TEX264: variants seen among roughly 807,000 people sequenced by gnomAD.
The protein encoded by TEX264 is testis-expressed protein 264.
Under a neutral mutation model 23.4 loss-of-function variants are expected in TEX264, and 13 were observed. The ratio of observed to expected loss-of-function variants is 0.56; its 90% CI spans 0.36 to 0.88. TEX264 has a LOEUF of 0.88. Among genes scored for constraint, TEX264 ranks in the 40% least tolerant of loss-of-function variants. The pLI is 0.01. For missense variants in TEX264, 340 were observed against 406.8 expected (o/e 0.84, Z 1.41); for synonymous variants, 159 against 170.0 (o/e 0.94, Z 0.50).
chr3:51,681,947 A>C (rs544795367), intron 2 of TEX264: 3 of 152,254 alleles, frequency 2.0e-5, no homozygotes, highest in Non-Finnish European at 4.4e-5. Context: ...AGATGACCAC[A>C]TGTGTTCTGG....
Position 51,686,037 on chromosome 3 carries a change from G to T in TEX264, c.480+1403G>T, listed in dbSNP as rs112133712. 2.0e-5 allele frequency among the ~76,000 whole-genome samples: 3 copies of T among 152,120 alleles called. No individual in the cohort carries two copies. Among genetic ancestry groups the T allele is most frequent in the Non-Finnish European group, 4.4e-5 (3 of 68,014 alleles). ...GGGAACTGAGGGAGGCCCTGGTTTTGGGGGGAAGGTAGCTATTTGGGCTAT... is the reference window on the plus strand; with the variant it reads ...GGGAACTGAGGGAGGCCCTGGTTTTTGGGGGAAGGTAGCTATTTGGGCTAT... On this transcript the variant is annotated intron_variant, in intron 3 of 4. Transcript: ENST00000341333. The surrounding 1 kb of genome is among the most constrained non-coding windows in gnomAD (Gnocchi z 4.1).
At chr3:51,674,203 T>A in intron 1 of TEX264, 68 bp from the exon 2 acceptor site, 1 of 1,549,330 alleles carries the variant, frequency 6.5e-7, no homozygotes, top group South Asian at 1.2e-5. Flanking sequence ...CCAGAACTGG[T>A]TGGCGGGCAA....
intron 2 of TEX264, 31 bp downstream of exon 2, chr3:51,674,593 G>T: frequency 6.2e-7 from 1 of 1,606,706 alleles, no homozygotes; most frequent in Admixed American, 1.7e-5. Context: ...TCTGCCCCAT[G>T]GATGGGCCTG....
chr3:51,687,941 G>A (rs1166815809), intron 3 of TEX264, among the ~76,000 whole-genome samples: 2 of 152,224 alleles, frequency 1.3e-5, no homozygotes, highest in South Asian at 2.1e-4. Flanking sequence ...TTGCATGGCA[G>A]CCTCTGGCTC....
chr3:51,704,115 G>GAAGA lies in TEX264; in HGVS notation c.*99_*100insAAGA. 1 of 1,150,846 alleles carries GAAGA rather than the reference G, an allele frequency of 8.7e-7. No homozygotes were observed. Among genetic ancestry groups the GAAGA allele is most frequent in the Non-Finnish European group, 1.1e-6 (1 of 889,254 alleles). 71.3% of individuals were successfully genotyped at this position (1,150,846 alleles called of 1,614,324 possible). A position where few individuals can be genotyped will look rare whatever the true frequency, so the allele number is the denominator to read the frequency against. ...CTTCCTCCTTCCTCTGGGGGAGGAG[G>GAAGA]GGTTCCTGAGGGACCTGACTTCCCC... is the stretch of plus-strand genomic sequence containing the variant. On this transcript the variant is annotated 3_prime_UTR_variant, in exon 5 of 5. Transcript: ENST00000341333.
chr3:51,676,978 A>G (rs1314378867), intron 2 of TEX264, among the ~76,000 whole-genome samples: 1 of 152,180 alleles, frequency 6.6e-6, no homozygotes, highest in Non-Finnish European at 1.5e-5. Context: ...GGGATGGCTC[A>G]GGGACACTTG....
chr3:51,685,789 T>C (rs1257383067), intron 3 of TEX264, among the ~76,000 whole-genome samples: 1 of 152,232 alleles, frequency 6.6e-6, no homozygotes, highest in Non-Finnish European at 1.5e-5. Context: ...CCTAGGAGGC[T>C]GTCATGAATC....
At position 51,686,600 on chromosome 3, in the gene TEX264, T is replaced by A. The variant is rs748012970; in HGVS notation, c.480+1966T>A. On this transcript the variant is annotated intron_variant, in intron 3 of 4. Coordinates refer to ENST00000341333, the MANE Select transcript of TEX264 (RefSeq NM_015926.6). This position sits in a 1 kb window ranked among gnomAD's most constrained non-coding sequence, Gnocchi z 4.1. ...CAGGGAGAATAGAGGGGAGTTTCCT[T>A]TGTGAGCTGGAGGGTGGTGGCCAAA... is the stretch of plus-strand genomic sequence containing the variant. Among the ~76,000 whole-genome samples, 5 of 151,880 alleles carry A rather than the reference T, an allele frequency of 3.3e-5. No homozygotes were observed. Among genetic ancestry groups the A allele is most frequent in the Non-Finnish European group, 5.9e-5 (4 of 67,968 alleles).
intron 3 of TEX264, among the ~76,000 whole-genome samples, chr3:51,690,151 G>A (rs1702775792): frequency 6.6e-6 from 1 of 152,212 alleles, no homozygotes; most frequent in Non-Finnish European, 1.5e-5. Context: ...GTCTGCCTCA[G>A]TGACCCTGAG....
In TEX264 at chr3:51,703,932, G is replaced by A. The variant is rs1057076234; in HGVS notation, c.858G>A (p.Glu286=). ...TGGAGGGCGAGGGGCCCTTAGGGGA[G>A]TCACGGCTGGACCCTGGGACTGAGC... The part of the protein sequence containing the change: ...LDLEGEGPLG[E]SRLDPGTEPL... Residue 286 remains glutamate (E), a synonymous_variant, in exon 5 of 5, where the codon GAG becomes GAA. Coordinates refer to ENST00000341333, the MANE Select transcript of TEX264 (RefSeq NM_015926.6). The surrounding 1 kb of genome is among the most constrained non-coding windows in gnomAD (Gnocchi z 4.8). The A allele has an allele frequency of 6.2e-7, 1 of 1,604,104 alleles. No homozygotes were observed.
rs1228408565 is a variant in TEX264, at chr3:51,688,132, T to C, written c.480+3498T>C. Among the ~76,000 whole-genome samples the C allele has an allele frequency of 5.9e-5, 9 of 152,372 alleles. No homozygotes were observed. In the South Asian group the frequency reaches 1.9e-3, roughly 32 times the overall value. On this transcript the variant is annotated intron_variant, in intron 3 of 4. Transcript: ENST00000341333. ...CCTCAGCTTTGTCAGGCTGCTCCGC[T>C]GGAGTCCAAGGAGGTGGCCTCTAGT...
chr3:51,694,686 C>T (rs1180871078), intron 3 of TEX264: 1 of 152,426 alleles, frequency 6.6e-6, no homozygotes, highest in Non-Finnish European at 1.5e-5. Flanking sequence ...TCTGCCACTT[C>T]CTGCTTCCTC....
At chr3:51,684,305 C>T in intron 2 of TEX264, 108 bp from the exon 3 acceptor site, 1 of 992,058 alleles carries the variant, frequency 1.0e-6, no homozygotes, top group Non-Finnish European at 1.5e-6. Flanking sequence ...CATGGCTTGT[C>T]AGAGCTGCTG....
intron 2 of TEX264, chr3:51,684,083 A>G: frequency 3.0e-6 from 1 of 329,138 alleles, no homozygotes. Context: ...GTGGAGGGTG[A>G]TGGTTCAGAG....
chr3:51,699,799 C>T (rs1695219005), intron 4 of TEX264, among the ~76,000 whole-genome samples: 1 of 152,134 alleles, frequency 6.6e-6, no homozygotes, highest in Non-Finnish European at 1.5e-5. Context: ...CACATTACCT[C>T]CTGGCAACAC....
At chr3:51,672,257 C>T (rs1702073548) in intron 1 of TEX264, 1 of 152,224 alleles carries the variant, frequency 6.6e-6, no homozygotes, top group Admixed American at 6.5e-5. Context: ...CGGCCCCTGC[C>T]GCACTGGATG....
intron 3 of TEX264, among the ~76,000 whole-genome samples, chr3:51,687,445 TTCA>T (rs1285631320): frequency 2.6e-5 from 4 of 152,224 alleles, no homozygotes; most frequent in Non-Finnish European, 5.9e-5. Context: ...CATCCCTGCC[TTCA>T]TCTCCCCTGC....
At chr3:51,702,993 G>C (rs945220253) in intron 4 of TEX264, among the ~76,000 whole-genome samples, 1 of 152,210 alleles carries the variant, frequency 6.6e-6, no homozygotes, top group African/African-American at 2.4e-5. Context: ...CCAGTCATTG[G>C]GGGTGGGGTG....
chr3:51,694,575 C>G (rs1470916985), intron 3 of TEX264: 1 of 152,330 alleles, frequency 6.6e-6, no homozygotes, highest in Admixed American at 6.5e-5. Flanking sequence ...GGTGGTATGA[C>G]TGTAGACCCT....
Sources: gnomAD v4.1 joint callset for allele counts (sites outside exome capture counted in the v4.1 genomes callset) on GRCh38, gnomAD v4.1.1 for gene constraint, Gnocchi (gnomAD v3.1) non-coding constraint, MANE v1.5 for transcripts, NCBI Gene and HGNC (gene_info 2026-07-23, HGNC 2026-07-21) for gene names.